Variants in KRTAP15-1 observed in about 807,000 individuals in gnomAD.
The protein encoded by KRTAP15-1 is keratin associated protein 15-1, also known as keratin-associated protein 15-1.
For missense variants in KRTAP15-1, 181 were observed against 156.8 expected (o/e 1.15, Z -0.83); for synonymous variants, 65 against 59.6 (o/e 1.09, Z -0.42).
Position 30,440,423 on chromosome 21 carries a change from C to A in KRTAP15-1, c.96C>A (p.Ser32Arg), listed in dbSNP as rs765280014. The change falls in exon 1 of 1, where the codon AGC becomes AGA. Residue 32 changes from serine to arginine, a missense_variant. Coordinates refer to ENST00000334067, the MANE Select transcript of KRTAP15-1 (RefSeq NM_181623.3). ...PVSTYNLFYP[S>R]NAIYSPNTCQ... ...CCACTTATAATTTGTTCTACCCCAG[C>A]AATGCCATCTATTCTCCAAATACCT... 19 of 1,613,966 alleles carry A rather than the reference C, an allele frequency of 1.2e-5. No homozygotes were observed. The highest frequency in any genetic ancestry group is 1.4e-5 in the Non-Finnish European group (17 of 1,179,940).
At position 30,440,420 on chromosome 21, in the gene KRTAP15-1, C is replaced by T. The variant is rs1465652734; in HGVS notation, c.93C>T (p.Pro31=). The change falls in exon 1 of 1, where the codon CCC becomes CCT. Residue 31 remains proline, a synonymous_variant. Transcript: ENST00000334067. ...TTTCCACTTATAATTTGTTCTACCC[C>T]AGCAATGCCATCTATTCTCCAAATA... ...YPVSTYNLFY[P]SNAIYSPNTC... The T allele has an allele frequency of 6.2e-7, 1 of 1,613,962 alleles. No homozygotes were observed. The highest frequency in any genetic ancestry group is 1.3e-5 in the African/African-American group (1 of 74,912).
In KRTAP15-1 at chr21:30,440,629, G is replaced by A. The variant is rs770911446; in HGVS notation, c.302G>A (p.Gly101Asp). The change falls in exon 1 of 1, where the codon GGC (glycine) becomes GAC (aspartate). Residue 101 changes from glycine to aspartate, a missense_variant. Gly to Asp is a moderately conservative substitution (Grantham distance 94). Coordinates refer to ENST00000334067, the MANE Select transcript of KRTAP15-1 (RefSeq NM_181623.3). Reference protein sequence around the residue: ...YIRSLGCGNTGLGSLGCGSTG... With the variant: ...YIRSLGCGNTDLGSLGCGSTG... ...AGATCCCTTGGATGTGGAAACACTG[G>A]CCTTGGATCTCTTGGTTGTGGAAGC... 8.1e-6 allele frequency: 13 copies of A among 1,614,154 alleles called. No individual in the cohort carries two copies. The highest frequency in any genetic ancestry group is 1.1e-5 in the Non-Finnish European group (13 of 1,180,026).
chr21:30,440,866 T>A lies in KRTAP15-1; in HGVS notation c.*125T>A. 1 of 922,464 alleles carries A rather than the reference T, an allele frequency of 1.1e-6. No individual in the cohort carries two copies. The highest frequency in any genetic ancestry group is 1.7e-6 in the Non-Finnish European group (1 of 594,366). 57.1% of individuals were successfully genotyped at this position (922,464 alleles called of 1,614,324 possible). A position where few individuals can be genotyped will look rare whatever the true frequency, so the allele number is the denominator to read the frequency against. On this transcript the variant is annotated 3_prime_UTR_variant, in exon 1 of 1. Transcript: ENST00000334067. ...CCAATATCTGTGATTGTTGACCATC[T>A]ACATCAGTAGGACTCAGCATCCTAG...
In KRTAP15-1 at chr21:30,440,431, T is replaced by G; in HGVS notation, c.104T>G (p.Ile35Ser). The G allele has an allele frequency of 6.2e-7, 1 of 1,614,096 alleles. No individual in the cohort carries two copies. Among genetic ancestry groups the G allele is most frequent in the South Asian group, 1.1e-5 (1 of 91,084 alleles). The change falls in exon 1 of 1, where the codon ATC (isoleucine) becomes AGC (serine). Residue 35 changes from isoleucine (I) to serine (S), a missense_variant. Physicochemically the swap from Ile to Ser is moderately radical, Grantham distance 142 (BLOSUM62 -2). Coordinates refer to ENST00000334067, the MANE Select transcript of KRTAP15-1 (RefSeq NM_181623.3). Reference sequence around the variant, plus strand: ...AATTTGTTCTACCCCAGCAATGCCATCTATTCTCCAAATACCTGCCAACTG... The same window carrying G: ...AATTTGTTCTACCCCAGCAATGCCAGCTATTCTCCAAATACCTGCCAACTG... ...TYNLFYPSNAIYSPNTCQLGS... is the reference protein window; with the variant it reads ...TYNLFYPSNASYSPNTCQLGS...
At position 30,440,564 on chromosome 21, in the gene KRTAP15-1, G is replaced by T; in HGVS notation, c.237G>T (p.Lys79Asn). 1.2e-6 allele frequency: 2 copies of T among 1,614,144 alleles called. No individual in the cohort carries two copies. The highest frequency in any genetic ancestry group is 1.7e-6 in the Non-Finnish European group (2 of 1,180,020). Residue 79 changes from lysine (K) to asparagine (N), a missense_variant, in exon 1 of 1, where the codon AAG becomes AAT. Physicochemically the swap from Lys to Asn is moderately conservative, Grantham distance 94. Coordinates refer to ENST00000334067, the MANE Select transcript of KRTAP15-1 (RefSeq NM_181623.3). ...ATCAGACATCCTGTTACTGCCCAAA[G>T]AATTCCATCTTCTGCAGTCCCCGCC... ...RSYQTSCYCP[K>N]NSIFCSPRQT...
In KRTAP15-1 at chr21:30,440,564, G is replaced by C; in HGVS notation, c.237G>C (p.Lys79Asn). 6.2e-7 allele frequency: 1 copy of C among 1,614,144 alleles called. No homozygotes were observed. The highest frequency in any genetic ancestry group is 8.5e-7 in the Non-Finnish European group (1 of 1,180,020). Residue 79 changes from lysine (K) to asparagine (N), a missense_variant, in exon 1 of 1, where the codon AAG becomes AAC. Transcript: ENST00000334067. ...ATCAGACATCCTGTTACTGCCCAAA[G>C]AATTCCATCTTCTGCAGTCCCCGCC... ...RSYQTSCYCP[K>N]NSIFCSPRQT...
rs151282354 is a variant in KRTAP15-1, at chr21:30,440,742, C to G, written c.*1C>G. The stretch of plus-strand genomic sequence containing the variant: ...GAATTTCCAGGCAACTTGTTACTAA[C>G]CAGCCTTTGGGTCTCGCCTTTTTGG... On this transcript the variant is annotated 3_prime_UTR_variant, in exon 1 of 1. Coordinates refer to ENST00000334067, the MANE Select transcript of KRTAP15-1 (RefSeq NM_181623.3). The G allele has an allele frequency of 2.0e-5, 32 of 1,610,030 alleles. No individual in the cohort carries two copies. In the East Asian group the frequency reaches 4.9e-4, roughly 25 times the overall value.
Position 30,440,364 on chromosome 21 carries a change from T to G in KRTAP15-1, c.37T>G (p.Cys13Gly). The G allele has an allele frequency of 6.2e-7, 1 of 1,612,406 alleles. No homozygotes were observed. Among genetic ancestry groups the G allele is most frequent in the Non-Finnish European group, 8.5e-7 (1 of 1,179,110 alleles). ...YNCSSGNFSS[C>G]CFGSYLRYPV... ...CTGCAGCTCTGGAAACTTCTCCTCC[T>G]GCTGTTTTGGAAGTTACCTGAGGTA... The change falls in exon 1 of 1, where the codon TGC becomes GGC. Residue 13 changes from cysteine (C) to glycine (G), a missense_variant. Cys to Gly is a radical substitution (Grantham distance 159). Coordinates refer to ENST00000334067, the MANE Select transcript of KRTAP15-1 (RefSeq NM_181623.3).
Position 30,440,633 on chromosome 21 carries a change from T to C in KRTAP15-1, c.306T>C (p.Leu102=), listed in dbSNP as rs1984698803. 1 of 1,614,094 alleles carries C rather than the reference T, an allele frequency of 6.2e-7. No individual in the cohort carries two copies. Among genetic ancestry groups the C allele is most frequent in the Admixed American group, 1.7e-5 (1 of 60,006 alleles). The change falls in exon 1 of 1, where the codon CTT becomes CTC. Residue 102 remains leucine (L), a synonymous_variant. Coordinates refer to ENST00000334067, the MANE Select transcript of KRTAP15-1 (RefSeq NM_181623.3). ...IRSLGCGNTG[L]GSLGCGSTGF... ...CCCTTGGATGTGGAAACACTGGCCTTGGATCTCTTGGTTGTGGAAGCACTG... is the reference window on the plus strand; with the variant it reads ...CCCTTGGATGTGGAAACACTGGCCTCGGATCTCTTGGTTGTGGAAGCACTG...
In KRTAP15-1 at chr21:30,440,503, C is replaced by T. The variant is rs941413718; in HGVS notation, c.176C>T (p.Thr59Ile). Residue 59 changes from threonine to isoleucine, a missense_variant, in exon 1 of 1, where the codon ACC becomes ATC. Physicochemically the swap from Thr to Ile is moderately conservative, Grantham distance 89. Transcript: ENST00000334067. ...NGCQETYCEP[T>I]SCQTSCTLAR... ...TGTCAGGAGACCTACTGTGAGCCCA[C>T]CAGCTGCCAGACATCCTGCACTTTG... 6.2e-7 allele frequency: 1 copy of T among 1,614,204 alleles called. No homozygotes were observed. Among genetic ancestry groups the T allele is most frequent in the Non-Finnish European group, 8.5e-7 (1 of 1,180,030 alleles).
chr21:30,440,850 G>C lies in KRTAP15-1; in HGVS notation c.*109G>C, dbSNP rs1984707277. 1 of 1,078,384 alleles carries C rather than the reference G, an allele frequency of 9.3e-7. No homozygotes were observed. The highest frequency in any genetic ancestry group is 1.5e-5 in the South Asian group (1 of 64,758). The allele number at this position is 1,078,384 out of a possible 1,614,324, so 66.8% of individuals were successfully genotyped here. A position where few individuals can be genotyped will look rare whatever the true frequency, so the allele number is the denominator to read the frequency against. The stretch of plus-strand genomic sequence containing the variant: ...GCAACACTCAGCCTGTCCAATATCT[G>C]TGATTGTTGACCATCTACATCAGTA... On this transcript the variant is annotated 3_prime_UTR_variant, in exon 1 of 1. Coordinates refer to ENST00000334067, the MANE Select transcript of KRTAP15-1 (RefSeq NM_181623.3).
At chr21:30,440,541 C>T in the KRTAP15-1 span, 4 of 1,614,080 alleles carry the variant, frequency 2.5e-6, no homozygotes, top group Non-Finnish European at 3.4e-6. Flanking sequence ...CAGATCCTAT[C>T]AGACATCCTG....
Position 30,440,733 on chromosome 21 carries a change from T to A in KRTAP15-1, c.406T>A (p.Cys136Ser), listed in dbSNP as rs1292141692. The change falls in exon 1 of 1, where the codon TGT becomes AGT. Residue 136 changes from cysteine to serine, a missense_variant. Transcript: ENST00000334067. ...TTCATCCAGGAATTTCCAGGCAACT[T>A]GTTACTAACCAGCCTTTGGGTCTCG... The part of the protein sequence containing the change: ...TFSSRNFQAT[C>S]Y 5 of 1,612,004 alleles carry A rather than the reference T, an allele frequency of 3.1e-6. No homozygotes were observed. The highest frequency in any genetic ancestry group is 4.2e-6 in the Non-Finnish European group (5 of 1,179,018).
rs1984694354 is a variant in KRTAP15-1, at chr21:30,440,530, C to T, written c.203C>T (p.Ala68Val). The stretch of plus-strand genomic sequence containing the variant: ...AGCTGCCAGACATCCTGCACTTTGG[C>T]CAGATCCTATCAGACATCCTGTTAC... ...PTSCQTSCTL[A>V]RSYQTSCYCP... Residue 68 changes from alanine to valine, a missense_variant, in exon 1 of 1, where the codon GCC (alanine) becomes GTC (valine). Ala to Val is a moderately conservative substitution (Grantham distance 64, BLOSUM62 0). Transcript: ENST00000334067. 6.2e-7 allele frequency: 1 copy of T among 1,614,140 alleles called. No individual in the cohort carries two copies. Among genetic ancestry groups the T allele is most frequent in the Non-Finnish European group, 8.5e-7 (1 of 1,180,004 alleles).
chr21:30,440,684 C>T lies in KRTAP15-1; in HGVS notation c.357C>T (p.Ser119=), dbSNP rs1706225711. The T allele has an allele frequency of 6.2e-7, 1 of 1,614,076 alleles. No individual in the cohort carries two copies. The highest frequency in any genetic ancestry group is 1.7e-5 in the Admixed American group (1 of 60,000). The change falls in exon 1 of 1, where the codon TCC becomes TCT. Residue 119 remains serine, a synonymous_variant. Coordinates refer to ENST00000334067, the MANE Select transcript of KRTAP15-1 (RefSeq NM_181623.3). ...GCTTCCAATCTCTGGACTGTGGGTC[C>T]AGCTTCTACCACCCAACTACCTTTT... ...STGFQSLDCG[S]SFYHPTTFSS... is the part of the protein sequence containing the mutation.
chr21:30,440,371 T>C lies in KRTAP15-1; in HGVS notation c.44T>C (p.Phe15Ser), dbSNP rs1382174967. 6.2e-7 allele frequency: 1 copy of C among 1,613,264 alleles called. No homozygotes were observed. Among genetic ancestry groups the C allele is most frequent in the Admixed American group, 1.7e-5 (1 of 59,966 alleles). Reference protein sequence around the residue: ...CSSGNFSSCCFGSYLRYPVST... With the variant: ...CSSGNFSSCCSGSYLRYPVST... ...TCTGGAAACTTCTCCTCCTGCTGTT[T>C]TGGAAGTTACCTGAGGTATCCAGTT... Residue 15 changes from phenylalanine to serine, a missense_variant, in exon 1 of 1, where the codon TTT becomes TCT. Phe to Ser is a radical substitution (Grantham distance 155). Coordinates refer to ENST00000334067, the MANE Select transcript of KRTAP15-1 (RefSeq NM_181623.3).
At position 30,440,703 on chromosome 21, in the gene KRTAP15-1, A is replaced by G; in HGVS notation, c.376A>G (p.Thr126Ala). 6.2e-7 allele frequency: 1 copy of G among 1,613,444 alleles called. No individual in the cohort carries two copies. Among genetic ancestry groups the G allele is most frequent in the Admixed American group, 1.7e-5 (1 of 59,936 alleles). Residue 126 changes from threonine (T) to alanine (A), a missense_variant, in exon 1 of 1, where the codon ACC (threonine) becomes GCC (alanine). By Grantham distance (58) the Thr-to-Ala change is moderately conservative. Transcript: ENST00000334067. ...DCGSSFYHPT[T>A]FSSRNFQATC... The stretch of plus-strand genomic sequence containing the variant: ...TGGGTCCAGCTTCTACCACCCAACT[A>G]CCTTTTCATCCAGGAATTTCCAGGC...
rs776557880 is a variant in KRTAP15-1, at chr21:30,440,466, C to G, written c.139C>G (p.Leu47Val). The change falls in exon 1 of 1, where the codon CTC (leucine) becomes GTC (valine). Residue 47 changes from leucine (L) to valine (V), a missense_variant. Coordinates refer to ENST00000334067, the MANE Select transcript of KRTAP15-1 (RefSeq NM_181623.3). The stretch of plus-strand genomic sequence containing the variant: ...AAATACCTGCCAACTGGGCTCCTCT[C>G]TCTACAATGGCTGTCAGGAGACCTA... ...SPNTCQLGSS[L>V]YNGCQETYCE... 1 of 1,614,212 alleles carries G rather than the reference C, an allele frequency of 6.2e-7. No individual in the cohort carries two copies. The highest frequency in any genetic ancestry group is 8.5e-7 in the Non-Finnish European group (1 of 1,180,020).
In KRTAP15-1 at chr21:30,440,493, T is replaced by G. The variant is rs1342602733; in HGVS notation, c.166T>G (p.Cys56Gly). 4 of 1,614,058 alleles carry G rather than the reference T, an allele frequency of 2.5e-6. No individual in the cohort carries two copies. Among genetic ancestry groups the G allele is most frequent in the African/African-American group, 2.7e-5 (2 of 74,952 alleles). The change falls in exon 1 of 1, where the codon TGT becomes GGT. Residue 56 changes from cysteine to glycine, a missense_variant. Physicochemically the swap from Cys to Gly is radical, Grantham distance 159 (BLOSUM62 -3). Coordinates refer to ENST00000334067, the MANE Select transcript of KRTAP15-1 (RefSeq NM_181623.3). ...SLYNGCQETY[C>G]EPTSCQTSCT... Reference sequence around the variant, plus strand: ...CTACAATGGCTGTCAGGAGACCTACTGTGAGCCCACCAGCTGCCAGACATC... The same window carrying G: ...CTACAATGGCTGTCAGGAGACCTACGGTGAGCCCACCAGCTGCCAGACATC...
Sources: gnomAD v4.1 joint callset for allele counts on GRCh38, gnomAD v4.1.1 for gene constraint, MANE v1.5 for transcripts, NCBI Gene and HGNC (gene_info 2026-07-23, HGNC 2026-07-21) for gene names.